MED21: variants seen among roughly 807,000 people sequenced by gnomAD.
MED21 encodes the protein mediator of RNA polymerase II transcription subunit 21.
Under a neutral mutation model 18.2 loss-of-function variants are expected in MED21, and 9 were observed. The observed-to-expected ratio is 0.49, with a 90% confidence interval of 0.30 to 0.86. MED21 has a LOEUF of 0.86. Among genes scored for constraint, MED21 ranks in the 40% least tolerant of loss-of-function variants. The pLI, the probability that MED21 is intolerant of heterozygous loss-of-function variation, is 0.07. For synonymous variants in MED21, 73 were observed against 60.5 expected, an observed-to-expected ratio of 1.21 and a Z score of -0.96; for missense variants, 150 against 170.9, an observed-to-expected ratio of 0.88 and a Z score of 0.68.
chr12:27,034,031 G>A (rs1941635215), downstream of MED21, among the ~76,000 whole-genome samples: 1 of 152,118 alleles, frequency 6.6e-6, no homozygotes, highest in Non-Finnish European at 1.5e-5. Flanking sequence ...AAAGAGTATG[G>A]CTGAAAAAAG....
At chr12:27,024,506 T>C (rs1179484642) in intron 1 of MED21, among the ~76,000 whole-genome samples, 1 of 152,256 alleles carries the variant, frequency 6.6e-6, no homozygotes, top group Middle Eastern at 3.2e-3. Context: ...CCAGCCAGCC[T>C]TCCTCAGGGA....
rs1941591466 is a variant in MED21 at position 27,029,647 on chromosome 12, CGTTAGCT to C, written c.*1189_*1195del. On this transcript the variant is annotated 3_prime_UTR_variant, in exon 4 of 4. Coordinates refer to ENST00000282892, the MANE Select transcript of MED21 (RefSeq NM_004264.5). ...ATGTTTCAAATTTCAGGAACACCAG[CGTTAGCT>C]GTAAAAGTTGCAGCAATTTATTGGC... 1 of 985,256 alleles carries C rather than the reference CGTTAGCT, an allele frequency of 1.0e-6. No homozygotes were observed. Among genetic ancestry groups the C allele is most frequent in the East Asian group, 1.1e-4 (1 of 8,830 alleles). 61.0% of individuals were successfully genotyped at this position (985,256 alleles called of 1,614,324 possible). A position where few individuals can be genotyped will look rare whatever the true frequency, so the allele number is the denominator to read the frequency against.
chr12:27,035,924 C>T (rs1941646930), intron 2 of MED21, among the ~76,000 whole-genome samples: 1 of 152,010 alleles, frequency 6.6e-6, no homozygotes, highest in South Asian at 2.1e-4. Flanking sequence ...TTTATAGCAG[C>T]ATGATTTATA....
chr12:27,034,692 C>T (rs1157914839), downstream of MED21, among the ~76,000 whole-genome samples: 2 of 152,110 alleles, frequency 1.3e-5, no homozygotes, highest in Non-Finnish European at 2.9e-5. Context: ...CTGCCCATTT[C>T]GACCTCCCAA....
intron 3 of MED21, among the ~76,000 whole-genome samples, chr12:27,027,906 G>C (rs989255829): frequency 6.6e-6 from 1 of 152,112 alleles, no homozygotes; most frequent in African/African-American, 2.4e-5. Context: ...TTTTGGAGGG[G>C]ATGCATTCAA....
intron 1 of MED21, among the ~76,000 whole-genome samples, chr12:27,024,239 G>C (rs1373210077): frequency 6.6e-6 from 1 of 152,040 alleles, no homozygotes; most frequent in African/African-American, 2.4e-5. Context: ...CTAGATAAGG[G>C]GCTAGAGAGA....
chr12:27,028,336 C>T lies in MED21; in HGVS notation c.310C>T (p.Leu104=), dbSNP rs1166170625. 1 of 1,613,974 alleles carries T rather than the reference C, an allele frequency of 6.2e-7. No homozygotes were observed. Among genetic ancestry groups the T allele is most frequent in the Non-Finnish European group, 8.5e-7 (1 of 1,180,008 alleles). ...EEENHEAATC[L]EDVVYRGDML... ...AGAAAACCATGAAGCTGCTACATGT[C>T]TGGAGGATGTTGTTTATCGAGGAGA... The change falls in exon 4 of 4, where the codon CTG becomes TTG. Residue 104 remains leucine (L), a synonymous_variant. Coordinates refer to ENST00000282892, the MANE Select transcript of MED21 (RefSeq NM_004264.5).
At chr12:27,022,672 G>C in intron 1 of MED21, 51 bp downstream of exon 1, 1 of 1,612,452 alleles carries the variant, frequency 6.2e-7, no homozygotes, top group Non-Finnish European at 8.5e-7. Context: ...TTGAGGTAAA[G>C]CAAGGGAGGA....
chr12:27,028,294 T>A lies in MED21; in HGVS notation c.268T>A (p.Leu90Met). 2 of 1,612,866 alleles carry A rather than the reference T, an allele frequency of 1.2e-6. No individual in the cohort carries two copies. The highest frequency in any genetic ancestry group is 1.7e-6 in the Non-Finnish European group (2 of 1,179,198). ...TTTGTGTCTTATAAAGGCTGCTAGC[T>A]TGTATAAGCTAGAAGAAGAAAACCA... ...ESTAALQAAS[L>M]YKLEEENHEA... Residue 90 changes from leucine to methionine, a missense_variant, in exon 4 of 4, where the codon TTG becomes ATG. Transcript: ENST00000282892.
chr12:27,028,548 C>T lies in MED21; in HGVS notation c.*87C>T. ...CAGACTTAGATACAAGCCTTACCAA[C>T]AATTACAGAAACATTAAACACTATG... On this transcript the variant is annotated 3_prime_UTR_variant, in exon 4 of 4. Transcript: ENST00000282892. The T allele has an allele frequency of 6.7e-7, 1 of 1,483,524 alleles. No homozygotes were observed. Among genetic ancestry groups the T allele is most frequent in the South Asian group, 1.5e-5 (1 of 67,768 alleles). The allele number at this position is 1,483,524 out of a possible 1,614,324, so 91.9% of individuals were successfully genotyped here.
At chr12:27,031,942 A>G (rs528292546), downstream of MED21, among the ~76,000 whole-genome samples, 1 of 152,194 alleles carries the variant, frequency 6.6e-6, no homozygotes, top group East Asian at 1.9e-4. Flanking sequence ...CTGTGTGGAT[A>G]TGACTGTTGG....
intron 2 of MED21, chr12:27,038,508 A>C (rs1435332878): frequency 6.6e-6 from 1 of 152,226 alleles, no homozygotes; most frequent in African/African-American, 2.4e-5. Context: ...ATTTTAACTA[A>C]GATTCCAATT....
downstream of MED21, among the ~76,000 whole-genome samples, chr12:27,034,247 C>G (rs141603174): frequency 0.03 from 4,555 of 152,166 alleles, 92 homozygotes; most frequent in Middle Eastern, 0.082. Flanking sequence ...GAAACCCCGT[C>G]TCTACTAAAA....
chr12:27,026,414 C>T lies in MED21; in HGVS notation c.43-6C>T, dbSNP rs377056571. On this transcript the variant is annotated splice_polypyrimidine_tract_variant and splice_region_variant and intron_variant, in intron 1 of 3. Coordinates refer to ENST00000282892, the MANE Select transcript of MED21 (RefSeq NM_004264.5). Reference sequence around the variant, plus strand: ...TCTAACCTTGATATGTTTTCTTTGGCCTAAGCTTGCAGATCAGTTTTGTAA... The same window carrying T: ...TCTAACCTTGATATGTTTTCTTTGGTCTAAGCTTGCAGATCAGTTTTGTAA... 4 of 1,596,652 alleles carry T rather than the reference C, an allele frequency of 2.5e-6. No individual in the cohort carries two copies. Among genetic ancestry groups the T allele is most frequent in the Non-Finnish European group, 3.4e-6 (4 of 1,165,454 alleles).
At chr12:27,024,131 A>G (rs569259699) in intron 1 of MED21, among the ~76,000 whole-genome samples, 30 of 152,348 alleles carry the variant, frequency 2.0e-4, no homozygotes, top group African/African-American at 4.3e-4. Context: ...CCATGCGGCA[A>G]TGGGTGTACT....
chr12:27,026,154 A>G (rs529090901), intron 1 of MED21, among the ~76,000 whole-genome samples: 1 of 152,234 alleles, frequency 6.6e-6, no homozygotes, highest in Non-Finnish European at 1.5e-5. Flanking sequence ...GAAAAGAAAG[A>G]TTATTTTGTA....
chr12:27,028,978 A>C lies in MED21; in HGVS notation c.*517A>C. The C allele has an allele frequency of 4.1e-6, 4 of 985,506 alleles. No homozygotes were observed. Among genetic ancestry groups the C allele is most frequent in the Non-Finnish European group, 4.8e-6 (4 of 829,980 alleles). 61.0% of individuals were successfully genotyped at this position (985,506 alleles called of 1,614,324 possible). A position where few individuals can be genotyped will look rare whatever the true frequency, so the allele number is the denominator to read the frequency against. ...ATAGAGTTAGTGTGGCTGGATAAGAAAGTCACATTTATGCAAATGTTTCTT... is the reference window on the plus strand; with the variant it reads ...ATAGAGTTAGTGTGGCTGGATAAGACAGTCACATTTATGCAAATGTTTCTT... On this transcript the variant is annotated 3_prime_UTR_variant, in exon 4 of 4. Transcript: ENST00000282892.
At chr12:27,038,202 A>T (rs942156649) in intron 2 of MED21, 2 of 152,200 alleles carry the variant, frequency 1.3e-5, no homozygotes, top group East Asian at 1.9e-4. Flanking sequence ...AATCAAGAAG[A>T]TTCCATGGAT....
rs1365975549 is a variant in MED21 at position 27,029,372 on chromosome 12, T to C, written c.*911T>C. On this transcript the variant is annotated 3_prime_UTR_variant, in exon 4 of 4. Coordinates refer to ENST00000282892, the MANE Select transcript of MED21 (RefSeq NM_004264.5). ...TAATTTGTGTCAGCATTTTCAACTA[T>C]GGTTATTCATCCAACCCTTGGATCT... 1.1e-5 allele frequency: 11 copies of C among 985,324 alleles called. No homozygotes were observed. Among genetic ancestry groups the C allele is most frequent in the Non-Finnish European group, 1.3e-5 (11 of 829,908 alleles). 61.0% of individuals were successfully genotyped at this position (985,324 alleles called of 1,614,324 possible).
Sources: gnomAD v4.1 joint callset for allele counts (sites outside exome capture counted in the v4.1 genomes callset) on GRCh38, gnomAD v4.1.1 for gene constraint, MANE v1.5 for transcripts, NCBI Gene and HGNC (gene_info 2026-07-23, HGNC 2026-07-21) for gene names.